Variants in SLC4A4 observed in about 807,000 individuals in gnomAD.
SLC4A4 encodes electrogenic sodium bicarbonate cotransporter 1.
A neutral mutation model predicts 111.5 loss-of-function variants in SLC4A4; 27 were observed. The ratio of observed to expected loss-of-function variants is 0.24; its 90% CI spans 0.18 to 0.33. The LOEUF (loss-of-function observed/expected upper bound fraction) is 0.33, where lower values mean the gene tolerates loss of function less well. Ranked by LOEUF, SLC4A4 falls within the 10% of genes least tolerant of loss-of-function variation. SLC4A4 has a pLI of 1.00. For missense variants in SLC4A4, 909 were observed against 1,315.5 expected, an observed-to-expected ratio of 0.69 and a Z score of 4.78; for synonymous variants, 443 against 463.4, an observed-to-expected ratio of 0.96 and a Z score of 0.57.
chr4:71,317,277 C>G (rs1275692531), intron 3 of SLC4A4, among the ~76,000 whole-genome samples: 1 of 151,978 alleles, frequency 6.6e-6, no homozygotes, highest in Non-Finnish European at 1.5e-5. Flanking sequence ...CAATTTTATA[C>G]AAAATTCTGC....
chr4:71,115,887 A>G (rs1252199035), intron 2 of SLC4A4, among the ~76,000 whole-genome samples: 1 of 152,056 alleles, frequency 6.6e-6, no homozygotes, highest in Admixed American at 6.6e-5. Flanking sequence ...TATTCTTTTT[A>G]TTTTTATTTT....
chr4:71,170,958 A>C (rs1194723358), intron 2 of SLC4A4, among the ~76,000 whole-genome samples: 2 of 152,248 alleles, frequency 1.3e-5, no homozygotes, highest in African/African-American at 2.4e-5. Flanking sequence ...GACTGGGACC[A>C]AGAAAATAAA....
At chr4:71,336,192 C>G (rs1728422368) in intron 3 of SLC4A4, among the ~76,000 whole-genome samples, 1 of 152,064 alleles carries the variant, frequency 6.6e-6, no homozygotes, top group Admixed American at 6.5e-5. Context: ...AACAGAAGCC[C>G]TAGAAATAAA....
chr4:71,455,623 C>A (rs189752192), intron 12 of SLC4A4, among the ~76,000 whole-genome samples: 119 of 152,286 alleles, frequency 7.8e-4, no homozygotes, highest in African/African-American at 2.7e-3. Context: ...ACAAAACTGT[C>A]TTCCGTCTGT....
intron 13 of SLC4A4, among the ~76,000 whole-genome samples, chr4:71,472,367 T>A (rs912881463): frequency 2.0e-5 from 3 of 151,956 alleles, no homozygotes; most frequent in African/African-American, 7.2e-5. Context: ...ACATTCTAGG[T>A]ACCAGTGCTA....
At chr4:71,072,491 TA>T (rs1167612805) in intron 1 of SLC4A4, among the ~76,000 whole-genome samples, 4 of 152,158 alleles carry the variant, frequency 2.6e-5, no homozygotes, top group Non-Finnish European at 5.9e-5. Flanking sequence ...AAAATAAAAA[TA>T]AAAATGATAG....
intron 17 of SLC4A4, 74 bp from the exon 18 acceptor site, chr4:71,534,153 C>G: frequency 8.1e-7 from 1 of 1,228,650 alleles, no homozygotes; most frequent in Non-Finnish European, 1.2e-6. Flanking sequence ...AGCATGTCTT[C>G]CCGTTGGTTT....
chr4:71,558,551 A>G (rs941542028), intron 22 of SLC4A4, among the ~76,000 whole-genome samples: 9 of 151,952 alleles, frequency 5.9e-5, no homozygotes, highest in Admixed American at 2.6e-4. Context: ...ACTGAATTTT[A>G]TACTTTACCA....
chr4:71,300,996 G>T (rs1041947079), intron 3 of SLC4A4: 8 of 464,164 alleles, frequency 1.7e-5, no homozygotes, highest in African/African-American at 1.6e-4. Context: ...GTGCCAGAGT[G>T]GGGGCCCCCT....
rs200353625 is a variant in SLC4A4 at position 71,162,857 on chromosome 4, A to T, written c.-2+70065A>T. On this transcript the variant is annotated intron_variant, in intron 2 of 26. Transcript: ENST00000649996. ...AACATTTATTTGCTATTTCAATTGT[A>T]TTTCTTTTTCGCCTGCTCTATTGCT... Among the ~76,000 whole-genome samples the T allele has an allele frequency of 3.3e-5, 5 of 152,150 alleles. No homozygotes were observed. The East Asian group carries it at 7.7e-4, about 23-fold the overall frequency.
chr4:71,127,633 T>C (rs899673640), intron 2 of SLC4A4, among the ~76,000 whole-genome samples: 12 of 152,216 alleles, frequency 7.9e-5, no homozygotes, highest in African/African-American at 2.4e-4. Flanking sequence ...AAGGACTTTG[T>C]ACCATAAATA....
At chr4:71,160,697 A>T (rs905692884) in intron 2 of SLC4A4, among the ~76,000 whole-genome samples, 2 of 152,132 alleles carry the variant, frequency 1.3e-5, no homozygotes, top group African/African-American at 4.8e-5. Flanking sequence ...AAAGCAAGCA[A>T]GTAAGCAAAC....
In SLC4A4 at chr4:71,561,286, T is replaced by G. The variant is rs970963584; in HGVS notation, c.3099+1032T>G. On this transcript the variant is annotated intron_variant, in intron 23 of 25. Coordinates refer to ENST00000264485, the MANE Select transcript of SLC4A4 (RefSeq NM_001098484.3). ...ATTTTACAGATGAGGAGATTTAGAC[T>G]GAGAAATGTTAAATATGTTTTAGAA... 4.6e-5 allele frequency among the ~76,000 whole-genome samples: 7 copies of G among 151,980 alleles called. No homozygotes were observed. In the East Asian group the frequency reaches 1.4e-3, roughly 30 times the overall value.
intron 1 of SLC4A4, among the ~76,000 whole-genome samples, chr4:71,231,683 G>C (rs978378047): frequency 2.0e-5 from 3 of 152,090 alleles, no homozygotes. Flanking sequence ...TCTGAACTTT[G>C]CCTCATGCTG....
intron 1 of SLC4A4, among the ~76,000 whole-genome samples, chr4:71,203,468 G>A (rs1053934180): frequency 3.6e-4 from 55 of 152,298 alleles, no homozygotes; most frequent in Non-Finnish European, 5.4e-4. Context: ...TTAATCCGAA[G>A]CCAGCCACAG....
intron 4 of SLC4A4, among the ~76,000 whole-genome samples, chr4:71,339,977 G>T (rs1417884841): frequency 2.6e-5 from 4 of 151,726 alleles, no homozygotes; most frequent in Admixed American, 2.0e-4. Context: ...CAGAATTTTA[G>T]TAGGCCGAGG....
chr4:71,079,134 A>G (rs10024299), intron 1 of SLC4A4, among the ~76,000 whole-genome samples: 4,036 of 152,192 alleles, frequency 0.027, 77 homozygotes, highest in Middle Eastern at 0.054. Context: ...TAACAGTTTA[A>G]CATTGAGGTC....
At chr4:71,075,924 A>G (rs1028817458) in intron 1 of SLC4A4, among the ~76,000 whole-genome samples, 3 of 151,364 alleles carry the variant, frequency 2.0e-5, no homozygotes, top group Admixed American at 1.3e-4. Flanking sequence ...TTGCCATTGC[A>G]CTCCAGCCTG....
intron 7 of SLC4A4, among the ~76,000 whole-genome samples, chr4:71,412,371 A>C (rs1307010307): frequency 6.6e-6 from 1 of 152,230 alleles, no homozygotes; most frequent in Non-Finnish European, 1.5e-5. Flanking sequence ...AAACTTTTAG[A>C]GATGAGAAAG....
Sources: gnomAD v4.1 joint callset for allele counts (sites outside exome capture counted in the v4.1 genomes callset) on GRCh38, gnomAD v4.1.1 for gene constraint, MANE v1.5 for transcripts, NCBI Gene and HGNC (gene_info 2026-07-23, HGNC 2026-07-21) for gene names.